NBPF15: variants seen among roughly 807,000 people sequenced by gnomAD.
The protein encoded by NBPF15 is NBPF member 15, also known as NBPF family member NBPF15.
A neutral mutation model predicts 62.2 loss-of-function variants in NBPF15; 74 were observed. The observed-to-expected ratio is 1.19, with a 90% CI of 0.99 to 1.44. NBPF15 has a LOEUF of 1.44. NBPF15 is among the 40% of genes most tolerant of loss of function. The probability of loss-of-function intolerance (pLI) is 0.00; values close to 1 mark genes in which losing one functional copy is unlikely to be tolerated. For synonymous variants in NBPF15, 244 were observed against 209.7 expected (o/e 1.16, Z -1.41); for missense variants, 790 against 550.0 (o/e 1.44, Z -4.36).
rs1203072138 is a variant in NBPF15 at position 144,428,124 on chromosome 1, A to G, written c.1041-134T>C. On this transcript the variant is annotated intron_variant, in intron 15 of 21. Transcript: ENST00000581897. ...AGATCCATTAATGAGGTAACAAATT[A>G]TTGCCTTTATGTTGGGATAGACTAG... The G allele has an allele frequency of 2.3e-4, 153 of 674,070 alleles. No homozygotes were observed. The South Asian group carries it at 2.5e-3, about 11-fold the overall frequency. 41.8% of individuals were successfully genotyped at this position (674,070 alleles called of 1,614,324 possible).
intron 6 of NBPF15, among the ~76,000 whole-genome samples, chr1:144,445,350 TATATACACAC>T (rs1458152712): frequency 6.7e-4 from 78 of 115,654 alleles, no homozygotes; most frequent in African/African-American, 3.4e-3. Flanking sequence ...TATATATATA[TATATACACAC>T]ACACACACAC....
intron 6 of NBPF15, among the ~76,000 whole-genome samples, chr1:144,447,639 G>T (rs1553544552): frequency 1.3e-5 from 2 of 151,856 alleles, no homozygotes; most frequent in African/African-American, 4.8e-5. Flanking sequence ...GAAACAAAAG[G>T]AGAATACTAG....
At chr1:144,441,062 T>A (rs1247106072) in intron 6 of NBPF15, among the ~76,000 whole-genome samples, 2 of 151,924 alleles carry the variant, frequency 1.3e-5, no homozygotes, top group African/African-American at 4.8e-5. Context: ...AATATCCTAT[T>A]GATTGTATGA....
intron 2 of NBPF15, among the ~76,000 whole-genome samples, chr1:144,459,789 C>A (rs1553547922): frequency 6.6e-6 from 1 of 151,774 alleles, no homozygotes; most frequent in African/African-American, 2.4e-5. Context: ...TGCACCCCTA[C>A]TAGAATGGCA....
At chr1:144,457,535 T>C (rs1490981972) in intron 3 of NBPF15, among the ~76,000 whole-genome samples, 2 of 152,038 alleles carry the variant, frequency 1.3e-5, no homozygotes, top group African/African-American at 4.8e-5. Flanking sequence ...TTGGAGATTG[T>C]TGAATATGGT....
In NBPF15 at chr1:144,426,407, G is replaced by T; in HGVS notation, c.1309C>A (p.Gln437Lys). 1.2e-6 allele frequency: 1 copy of T among 811,072 alleles called. No homozygotes were observed. Among genetic ancestry groups the T allele is most frequent in the South Asian group, 1.3e-5 (1 of 74,862 alleles). The allele number at this position is 811,072 out of a possible 1,614,324, so 50.2% of individuals were successfully genotyped here. The change falls in exon 18 of 22, where the codon CAG becomes AAG. Residue 437 changes from glutamine (Q) to lysine (K), a missense_variant. Coordinates refer to ENST00000581897, the MANE Select transcript of NBPF15 (RefSeq NM_001385408.1). Reference sequence around the variant, plus strand: ...GAATAACATCTATCCAGTGAGTCCTGCAAGACTTCAGGCTCTTTCTCATCC... The same window carrying T: ...GAATAACATCTATCCAGTGAGTCCTTCAAGACTTCAGGCTCTTTCTCATCC... ...LLDEKEPEVL[Q>K]DSLDRCYSTP...
At chr1:144,447,474 G>T (rs1189979250) in intron 6 of NBPF15, among the ~76,000 whole-genome samples, 34 of 151,796 alleles carry the variant, frequency 2.2e-4, no homozygotes, top group Admixed American at 4.6e-4. Flanking sequence ...TCACTTCCAG[G>T]CTCCATCGGG....
rs1553539403 is a variant in NBPF15 at position 144,427,052 on chromosome 1, G to C, written c.1260C>G (p.Cys420Trp). The change falls in exon 17 of 22, where the codon TGC (cysteine) becomes TGG (tryptophan). Residue 420 changes from cysteine (C) to tryptophan (W), a missense_variant. Coordinates refer to ENST00000581897, the MANE Select transcript of NBPF15 (RefSeq NM_001385408.1). ...CCATAATTGCTCAAAGTTACCTGGG[G>C]CATGATGGGTCTTGGTCTTCTTCCA... ...QEVEEDQDPS[C>W]PRLSRELLDE... 2.2e-5 allele frequency: 16 copies of C among 742,920 alleles called. No homozygotes were observed. The Admixed American group carries it at 2.7e-4, about 13-fold the overall frequency. 46.0% of individuals were successfully genotyped at this position (742,920 alleles called of 1,614,324 possible).
chr1:144,424,343 G>A (rs1668028673), intron 20 of NBPF15, among the ~76,000 whole-genome samples: 1 of 151,518 alleles, frequency 6.6e-6, no homozygotes, highest in African/African-American at 2.4e-5. Context: ...GTTCATGGTT[G>A]TGAGGACTTT....
At chr1:144,428,311 G>A (rs1671463434) in intron 15 of NBPF15, among the ~76,000 whole-genome samples, 2 of 151,944 alleles carry the variant, frequency 1.3e-5, no homozygotes, top group East Asian at 3.9e-4. Flanking sequence ...CAGTGATCAT[G>A]AAAAGCATGT....
At chr1:144,447,098 C>G (rs1178550451) in intron 6 of NBPF15, among the ~76,000 whole-genome samples, 4 of 152,270 alleles carry the variant, frequency 2.6e-5, no homozygotes, top group African/African-American at 9.6e-5. Flanking sequence ...TGTCTCTAGA[C>G]AGCCAAGTCC....
chr1:144,431,996 G>C (rs1370806925), intron 13 of NBPF15, among the ~76,000 whole-genome samples: 3 of 151,378 alleles, frequency 2.0e-5, no homozygotes, highest in East Asian at 3.9e-4. Context: ...ATAATCATTT[G>C]GGTACACACC....
At chr1:144,460,995 C>A (rs1276708594) in intron 1 of NBPF15, 34 bp from the exon 2 acceptor site, 3 of 151,074 alleles carry the variant, frequency 2.0e-5, no homozygotes, top group African/African-American at 7.3e-5. Context: ...ATCCCGGAGG[C>A]CAATAAAGAC....
At position 144,426,305 on chromosome 1, in the gene NBPF15, A is replaced by G; in HGVS notation, c.1411T>C (p.Tyr471His). 1 of 690,198 alleles carries G rather than the reference A, an allele frequency of 1.4e-6. No homozygotes were observed. Among genetic ancestry groups the G allele is most frequent in the Admixed American group, 2.2e-5 (1 of 46,448 alleles). 42.8% of individuals were successfully genotyped at this position (690,198 alleles called of 1,614,324 possible). The change falls in exon 18 of 22, where the codon TAC (tyrosine) becomes CAC (histidine). Residue 471 changes from tyrosine to histidine, a missense_variant. Physicochemically the swap from Tyr to His is moderately conservative, Grantham distance 83. Coordinates refer to ENST00000581897, the MANE Select transcript of NBPF15 (RefSeq NM_001385408.1). ...SSAVYSLEEQ[Y>H]LGLALDVDRI... ...TCCACGTCAAGAGCCAAGCCAAGGT[A>G]CTGTTCCTCCAATGAGTAAACAGCA...
At chr1:144,441,599 TAAAC>T (rs1426782865) in intron 6 of NBPF15, among the ~76,000 whole-genome samples, 1 of 149,298 alleles carries the variant, frequency 6.7e-6, no homozygotes, top group Non-Finnish European at 1.5e-5. Flanking sequence ...TTTAAGTTGT[TAAAC>T]AACAACATAA....
intron 6 of NBPF15, among the ~76,000 whole-genome samples, chr1:144,447,470 C>T (rs1553544474): frequency 6.6e-6 from 1 of 151,846 alleles, no homozygotes; most frequent in African/African-American, 2.4e-5. Context: ...CCTCTCACTT[C>T]CAGGCTCCAT....
intron 2 of NBPF15, among the ~76,000 whole-genome samples, chr1:144,460,378 ACTT>A (rs1174623500): frequency 8.9e-6 from 1 of 112,588 alleles, no homozygotes; most frequent in Non-Finnish European, 1.8e-5. Context: ...CTCTCTGTAT[ACTT>A]CAGTAACTTT....
chr1:144,441,553 A>G (rs1262256052), intron 6 of NBPF15, among the ~76,000 whole-genome samples: 1 of 149,502 alleles, frequency 6.7e-6, no homozygotes, highest in East Asian at 1.9e-4. Flanking sequence ...TTGCTGTATT[A>G]TATAGCAAAT....
chr1:144,425,082 AC>A (rs1668702775), intron 19 of NBPF15, among the ~76,000 whole-genome samples: 14 of 146,510 alleles, frequency 9.6e-5, no homozygotes, highest in African/African-American at 3.7e-4. Flanking sequence ...ACACACACAC[AC>A]ACACACACAC....
Sources: allele counts gnomAD v4.1 joint callset (sites outside exome capture counted in the v4.1 genomes callset), GRCh38; gene constraint gnomAD v4.1.1; transcripts MANE v1.5; gene names NCBI Gene and HGNC (gene_info 2026-07-23, HGNC 2026-07-21).